OR11A1: variants seen among roughly 807,000 people sequenced by gnomAD.
The protein encoded by OR11A1 is olfactory receptor 11A1.
For synonymous variants in OR11A1, 158 were observed against 152.2 expected, an observed-to-expected ratio of 1.04 and a Z score of -0.28; for missense variants, 380 against 378.2, an observed-to-expected ratio of 1.00 and a Z score of -0.04.
chr6:29,431,973 C>T lies in OR11A1; in HGVS notation c.-374G>A. ...GAATTTCCTACCTTCAGCTCCCTCCCTGCTTGAGCTCAACCTGAAGTAACG... is the reference window on the plus strand; with the variant it reads ...GAATTTCCTACCTTCAGCTCCCTCCTTGCTTGAGCTCAACCTGAAGTAACG... On this transcript the variant is annotated 5_prime_UTR_variant, in exon 2 of 5. Coordinates refer to ENST00000377149, the MANE Select transcript of OR11A1 (RefSeq NM_001394828.1). The T allele has an allele frequency of 1.0e-6, 1 of 985,396 alleles. No individual in the cohort carries two copies. The highest frequency in any genetic ancestry group is 1.7e-5 in the African/African-American group (1 of 57,336). The allele number at this position is 985,396 out of a possible 1,614,324, so 61.0% of individuals were successfully genotyped here. A position where few individuals can be genotyped will look rare whatever the true frequency, so the allele number is the denominator to read the frequency against.
At chr6:29,440,003 GT>G in intron 1 of OR11A1, 1 of 1,604,780 alleles carries the variant, frequency 6.2e-7, no homozygotes, top group South Asian at 1.1e-5. Context: ...CCAGTCAAAG[GT>G]ATGCAGGCAG....
In OR11A1 at chr6:29,452,065, T is replaced by C. The variant is rs116233828; in HGVS notation, c.-389+4922A>G. On this transcript the variant is annotated intron_variant, in intron 1 of 4. Coordinates refer to ENST00000377149, the MANE Select transcript of OR11A1 (RefSeq NM_001394828.1). ...GATGGAGACCATTATCCTAAACAAATTAAAGCAGGATTGGAAAACCAAATG... is the reference window on the plus strand; with the variant it reads ...GATGGAGACCATTATCCTAAACAAACTAAAGCAGGATTGGAAAACCAAATG... Among the ~76,000 whole-genome samples, 1,009 of 152,178 alleles carry C rather than the reference T, an allele frequency of 6.6e-3. 9 individuals are homozygous for C. Among genetic ancestry groups the C allele is most frequent in the Middle Eastern group, 0.01 (3 of 294 alleles).
At chr6:29,441,792 T>G (rs141573188) in intron 1 of OR11A1, among the ~76,000 whole-genome samples, 1 of 152,206 alleles carries the variant, frequency 6.6e-6, no homozygotes, top group Non-Finnish European at 1.5e-5. Flanking sequence ...TGTGTTCATG[T>G]GTACTCAGTG....
chr6:29,427,147 G>C lies in OR11A1; in HGVS notation c.495C>G (p.Ala165=). 1 of 1,613,048 alleles carries C rather than the reference G, an allele frequency of 6.2e-7. No homozygotes were observed. Among genetic ancestry groups the C allele is most frequent in the Non-Finnish European group, 8.5e-7 (1 of 1,180,016 alleles). ...GGTTGGGGCCACAGAACCTCAGCTG[G>C]GCCACCAGGGCCACAACCAGTCCAT... The part of the protein sequence containing the change: ...VVDGLVVALV[A]QLRFCGPNHI... Residue 165 remains alanine, a synonymous_variant, in exon 5 of 5, where the codon GCC becomes GCG. Transcript: ENST00000377149.
chr6:29,456,191 C>T (rs992838312), intron 1 of OR11A1, among the ~76,000 whole-genome samples: 1 of 151,268 alleles, frequency 6.6e-6, no homozygotes, highest in Non-Finnish European at 1.5e-5. Flanking sequence ...GATCACACCA[C>T]TGTACTCCAG....
chr6:29,430,815 A>G (rs1783177245), intron 2 of OR11A1, among the ~76,000 whole-genome samples: 1 of 152,206 alleles, frequency 6.6e-6, no homozygotes, highest in Non-Finnish European at 1.5e-5. Context: ...CTGTAAAAGT[A>G]GATATGAAAA....
chr6:29,430,378 T>C lies in OR11A1; in HGVS notation c.-217A>G. ...GGCCATCTTTAACTCTAGATTATTT[T>C]ATCTGGTCCAAACTCATTCTGAGGC... On this transcript the variant is annotated 5_prime_UTR_variant, in exon 3 of 5. It adds an upstream start codon to the 5' untranslated region. Transcript: ENST00000377149. 9.1e-6 allele frequency: 9 copies of C among 985,372 alleles called. No homozygotes were observed. Among genetic ancestry groups the C allele is most frequent in the Non-Finnish European group, 1.1e-5 (9 of 829,904 alleles). The allele number at this position is 985,372 out of a possible 1,614,324, so 61.0% of individuals were successfully genotyped here.
At chr6:29,454,755 C>T (rs1394375797) in intron 1 of OR11A1, among the ~76,000 whole-genome samples, 28 of 152,050 alleles carry the variant, frequency 1.8e-4, no homozygotes, top group Admixed American at 1.8e-3. Context: ...GAGCCAAACA[C>T]ATAAGATCTA....
At chr6:29,441,936 T>C (rs575419322) in intron 1 of OR11A1, among the ~76,000 whole-genome samples, 1 of 152,374 alleles carries the variant, frequency 6.6e-6, no homozygotes, top group African/African-American at 2.4e-5. Context: ...TGTTTTGTTC[T>C]GTTTTGTTTT....
In OR11A1 at chr6:29,426,904, T is replaced by C. The variant is rs1190473682; in HGVS notation, c.738A>G (p.Leu246=). 1.2e-6 allele frequency: 2 copies of C among 1,613,004 alleles called. No homozygotes were observed. The highest frequency in any genetic ancestry group is 1.7e-5 in the Admixed American group (1 of 60,020). The change falls in exon 5 of 5, where the codon CTA becomes CTG. Residue 246 remains leucine (L), a synonymous_variant. Transcript: ENST00000377149. ...RRAFSTCSSH[L]AVVTTFYGTL... ...TTCCATAGAATGTGGTCACTACAGC[T>C]AGGTGGGAGGAGCATGTGGAGAAAG... is the stretch of plus-strand genomic sequence containing the variant.
Position 29,428,165 on chromosome 6 carries a change from A to C in OR11A1, c.-91-433T>G, listed in dbSNP as rs111422349. The C allele has an allele frequency of 9.3e-4, 797 of 852,898 alleles. 6 individuals carry two copies. In the African/African-American group the frequency reaches 0.014, roughly 15 times the overall value. 52.8% of individuals were successfully genotyped at this position (852,898 alleles called of 1,614,324 possible). A position where few individuals can be genotyped will look rare whatever the true frequency, so the allele number is the denominator to read the frequency against. ...TGGTCACTATCTCATTCTTCTCATT[A>C]TCTCAACCGCCCCTTTCATTCCCCA... On this transcript the variant is annotated intron_variant, in intron 4 of 4. Coordinates refer to ENST00000377149, the MANE Select transcript of OR11A1 (RefSeq NM_001394828.1).
At chr6:29,432,733 A>G (rs1169875749) in intron 1 of OR11A1, among the ~76,000 whole-genome samples, 1 of 152,174 alleles carries the variant, frequency 6.6e-6, no homozygotes, top group Non-Finnish European at 1.5e-5. Flanking sequence ...AAGCTTCCAC[A>G]GAAATCAGGC....
intron 1 of OR11A1, chr6:29,432,195 C>A (rs1204240298): frequency 6.2e-6 from 1 of 161,798 alleles, no homozygotes; most frequent in Non-Finnish European, 1.3e-5. Context: ...TACTGGAGAG[C>A]AGCCTGAAAT....
intron 1 of OR11A1, among the ~76,000 whole-genome samples, chr6:29,451,095 C>T (rs1266429625): frequency 1.3e-5 from 2 of 152,100 alleles, no homozygotes; most frequent in Admixed American, 6.5e-5. Context: ...ACAAAGTCAA[C>T]AAAAATAAGC....
intron 1 of OR11A1, among the ~76,000 whole-genome samples, chr6:29,433,783 G>A (rs745687329): frequency 2.6e-5 from 4 of 151,772 alleles, no homozygotes; most frequent in Admixed American, 6.6e-5. Context: ...ACTAATTTAC[G>A]CTTCCACCAA....
intron 4 of OR11A1, chr6:29,428,146 C>CT (rs1782983054): frequency 1.5e-6 from 1 of 688,358 alleles, no homozygotes; most frequent in Non-Finnish European, 1.8e-6. Flanking sequence ...CCCATGGTCA[C>CT]TATCTCATTC....
At chr6:29,449,023 A>ACC (rs1187755609) in intron 1 of OR11A1, among the ~76,000 whole-genome samples, 2 of 152,228 alleles carry the variant, frequency 1.3e-5, no homozygotes, top group Non-Finnish European at 2.9e-5. Context: ...AAGTAGAAAT[A>ACC]TCAGTGGTTT....
chr6:29,440,278 GGC>G, intron 1 of OR11A1: 1 of 1,613,996 alleles, frequency 6.2e-7, no homozygotes, highest in Non-Finnish European at 8.5e-7. Flanking sequence ...CTTACTGGCC[GGC>G]GCCACATCTC....
At chr6:29,431,284 C>G (rs532712089) in intron 2 of OR11A1, among the ~76,000 whole-genome samples, 3 of 151,650 alleles carry the variant, frequency 2.0e-5, no homozygotes, top group East Asian at 3.9e-4. Flanking sequence ...GTCTGCTAAA[C>G]AAACATGTTA....
Sources: allele counts gnomAD v4.1 joint callset (sites outside exome capture counted in the v4.1 genomes callset), GRCh38; gene constraint gnomAD v4.1.1; transcripts MANE v1.5; gene names NCBI Gene and HGNC (gene_info 2026-07-23, HGNC 2026-07-21).